ANGEL2: variants seen among roughly 807,000 people sequenced by gnomAD.
ANGEL2 encodes RNA 2',3'-cyclic phosphatase ANGEL2.
Under a neutral mutation model 66.0 loss-of-function variants are expected in ANGEL2, and 41 were observed. The observed-to-expected ratio is 0.62, with a 90% CI of 0.48 to 0.81. The LOEUF (loss-of-function observed/expected upper bound fraction) is 0.81. Ranked by LOEUF, ANGEL2 falls within the 30% of genes least tolerant of loss-of-function variation. The pLI is 0.00. For missense variants in ANGEL2, 561 were observed against 641.6 expected (o/e 0.87, Z 1.36); for synonymous variants, 208 against 226.5 (o/e 0.92, Z 0.73).
chr1:213,001,620 A>G (rs747390601), intron 5 of ANGEL2: 1 of 152,216 alleles, frequency 6.6e-6, no homozygotes, highest in Non-Finnish European at 1.5e-5. Flanking sequence ...TCCTTTCATA[A>G]AAGATTTTTC....
In ANGEL2 at chr1:212,995,111, T is replaced by C. The variant is rs889685925; in HGVS notation, c.1565A>G (p.Asn522Ser). Residue 522 changes from asparagine to serine, a missense_variant, in exon 9 of 9, where the codon AAT becomes AGT. Physicochemically the swap from Asn to Ser is conservative, Grantham distance 46. Transcript: ENST00000366962. ...AGAGTTATTTTCGTTTGGAAGTCCA[T>C]TAACAGTCCATAAGTCTTGTTCTGT... ...LLTEQDLWTV[N>S]GLPNENNSSD... 3 of 1,612,868 alleles carry C rather than the reference T, an allele frequency of 1.9e-6. No individual in the cohort carries two copies. The African/African-American group carries it at 4.0e-5, about 22-fold the overall frequency.
intron 2 of ANGEL2, chr1:213,011,321 T>C (rs1407013774): frequency 7.9e-6 from 10 of 1,262,514 alleles, no homozygotes; most frequent in Non-Finnish European, 1.0e-5. Context: ...GTCATAATTG[T>C]ATCACACAAA....
At chr1:213,011,228 A>C (rs1331365921) in intron 2 of ANGEL2, 1 of 1,289,410 alleles carries the variant, frequency 7.8e-7, no homozygotes, top group Admixed American at 2.3e-5. Flanking sequence ...AGGAGGAACA[A>C]GGTGATCACA....
At chr1:212,999,671 G>A (rs2076126817) in intron 7 of ANGEL2, among the ~76,000 whole-genome samples, 2 of 152,154 alleles carry the variant, frequency 1.3e-5, no homozygotes, top group Non-Finnish European at 2.9e-5. Context: ...CCTGAGACAA[G>A]ATTTAAGTCT....
chr1:213,012,169 G>A (rs2076525633), intron 2 of ANGEL2, among the ~76,000 whole-genome samples: 1 of 152,184 alleles, frequency 6.6e-6, no homozygotes, highest in Admixed American at 6.5e-5. Context: ...AACAAAACCA[G>A]AGGGAACCTG....
chr1:213,015,502 C>T (rs929474267), intron 1 of ANGEL2, 111 bp downstream of exon 1: 1 of 1,508,404 alleles, frequency 6.6e-7, no homozygotes, highest in Non-Finnish European at 8.9e-7. Context: ...TCTTCCTCTT[C>T]CTTCCACCCC....
chr1:213,006,413 G>T (rs767854903), intron 4 of ANGEL2: 2 of 147,958 alleles, frequency 1.4e-5, no homozygotes, highest in Admixed American at 1.4e-4. Context: ...GCAGTGAGCC[G>T]AGATTGCACC....
chr1:213,006,297 TA>T (rs756327349), intron 4 of ANGEL2, among the ~76,000 whole-genome samples: 1 of 151,766 alleles, frequency 6.6e-6, no homozygotes, highest in African/African-American at 2.4e-5. Context: ...CCGTCTCTAC[TA>T]AAAAAAATTC....
chr1:213,005,261 A>G lies in ANGEL2; in HGVS notation c.906T>C (p.Pro302=). The part of the protein sequence containing the change: ...LQPKIPYAAC[P]AICVANTHLL... ...GATGCGTATTTGCTACGCAGATTGC[A>G]GGGCAGGCAGCATATGGAATTTTGG... is the stretch of plus-strand genomic sequence containing the variant. Residue 302 remains proline (P), a synonymous_variant, in exon 5 of 9, where the codon CCT becomes CCC. Coordinates refer to ENST00000366962, the MANE Select transcript of ANGEL2 (RefSeq NM_144567.5). The G allele has an allele frequency of 6.2e-7, 1 of 1,614,254 alleles. No homozygotes were observed. Among genetic ancestry groups the G allele is most frequent in the Non-Finnish European group, 8.5e-7 (1 of 1,180,054 alleles).
chr1:213,005,200 T>C lies in ANGEL2; in HGVS notation c.967A>G (p.Thr323Ala). 4 of 1,614,256 alleles carry C rather than the reference T, an allele frequency of 2.5e-6. No homozygotes were observed. The highest frequency in any genetic ancestry group is 3.4e-6 in the Non-Finnish European group (4 of 1,180,046). The change falls in exon 5 of 9, where the codon ACG (threonine) becomes GCG (alanine). Residue 323 changes from threonine to alanine, a missense_variant. Thr to Ala is a moderately conservative substitution (Grantham distance 58). Transcript: ENST00000366962. ...YNPRRGDIKL[T>A]QLAMLLAEIS... ...TCTGCCAGTAGCATTGCCAATTGCGTCAGCTTAATATCACCTCGCCTTGGA... is the reference window on the plus strand; with the variant it reads ...TCTGCCAGTAGCATTGCCAATTGCGCCAGCTTAATATCACCTCGCCTTGGA...
intron 1 of ANGEL2, chr1:213,015,328 G>C: frequency 7.4e-7 from 1 of 1,358,194 alleles, no homozygotes; most frequent in Non-Finnish European, 9.5e-7. Flanking sequence ...GGGGGAAGCA[G>C]GCCAGGGATC....
In ANGEL2 at chr1:212,993,322, T is replaced by C. The variant is rs2075907801; in HGVS notation, c.*1719A>G. On this transcript the variant is annotated 3_prime_UTR_variant, in exon 9 of 9. Transcript: ENST00000366962. Reference sequence around the variant, plus strand: ...AGACACCATCTAAAAAATAAAAAAATAAAAACCCCCCAAAATGAGAAATTA... The same window carrying C: ...AGACACCATCTAAAAAATAAAAAAACAAAAACCCCCCAAAATGAGAAATTA... 1 of 151,644 alleles carries C rather than the reference T, an allele frequency of 6.6e-6. No individual in the cohort carries two copies. Among genetic ancestry groups the C allele is most frequent in the Non-Finnish European group, 1.5e-5 (1 of 67,906 alleles). 9.4% of individuals were successfully genotyped at this position (151,644 alleles called of 1,614,324 possible). A position where few individuals can be genotyped will look rare whatever the true frequency, so the allele number is the denominator to read the frequency against.
chr1:213,003,347 G>T (rs900729667), intron 5 of ANGEL2, among the ~76,000 whole-genome samples: 23 of 151,700 alleles, frequency 1.5e-4, no homozygotes, highest in Non-Finnish European at 2.9e-5. Flanking sequence ...TTGCTGTTTG[G>T]TGCAAGAGGC....
At chr1:212,999,701 TG>T (rs1461450916) in intron 7 of ANGEL2, among the ~76,000 whole-genome samples, 1 of 152,224 alleles carries the variant, frequency 6.6e-6, no homozygotes, top group Non-Finnish European at 1.5e-5. Context: ...TTTATTAACA[TG>T]TATCAATTTC....
intron 8 of ANGEL2, among the ~76,000 whole-genome samples, chr1:212,996,235 A>T (rs567279690): frequency 6.6e-6 from 1 of 152,256 alleles, no homozygotes; most frequent in Non-Finnish European, 1.5e-5. Context: ...TGAACCTGGG[A>T]GGCGGAGCTT....
rs1335807892 is a variant in ANGEL2 at position 212,993,204 on chromosome 1, G to A, written c.*1837C>T. 1 of 152,234 alleles carries A rather than the reference G, an allele frequency of 6.6e-6. No individual in the cohort carries two copies. Among genetic ancestry groups the A allele is most frequent in the Non-Finnish European group, 1.5e-5 (1 of 68,056 alleles). The allele number at this position is 152,234 out of a possible 1,614,324, so 9.4% of individuals were successfully genotyped here. On this transcript the variant is annotated 3_prime_UTR_variant, in exon 9 of 9. Transcript: ENST00000366962. ...CATGCCTGTAATCCCAGCTACTTGGGAGGCTGAGGAAGGAGAATTGCTTGA... is the reference window on the plus strand; with the variant it reads ...CATGCCTGTAATCCCAGCTACTTGGAAGGCTGAGGAAGGAGAATTGCTTGA...
intron 2 of ANGEL2, among the ~76,000 whole-genome samples, chr1:213,010,051 CAAAAA>C (rs57723014): frequency 1.9e-5 from 1 of 51,300 alleles, no homozygotes; most frequent in African/African-American, 8.2e-5. Flanking sequence ...GACTCCAACT[CAAAAA>C]AAAAAAAAAA....
chr1:213,015,153 C>A, intron 1 of ANGEL2: 8 of 1,001,820 alleles, frequency 8.0e-6, no homozygotes, highest in Non-Finnish European at 9.5e-6. Flanking sequence ...ACTAACACAT[C>A]AACAAAAATC....
At chr1:212,997,910 A>C (rs1467373689) in intron 7 of ANGEL2, among the ~76,000 whole-genome samples, 1 of 152,134 alleles carries the variant, frequency 6.6e-6, no homozygotes, top group African/African-American at 2.4e-5. Flanking sequence ...TAAAAAAGAA[A>C]CTTATCCAAC....
Sources: gnomAD v4.1 joint callset for allele counts (sites outside exome capture counted in the v4.1 genomes callset) on GRCh38, gnomAD v4.1.1 for gene constraint, MANE v1.5 for transcripts, NCBI Gene and HGNC (gene_info 2026-07-23, HGNC 2026-07-21) for gene names.